ARHGAP15: variants seen among roughly 807,000 people sequenced by gnomAD.
ARHGAP15 encodes Rho GTPase activating protein 15.
In ARHGAP15, 51 loss-of-function variants were observed where a neutral mutation model predicts 63.7. That is an observed-to-expected ratio of 0.80 (90% confidence interval 0.64 to 1.01). The LOEUF (loss-of-function observed/expected upper bound fraction) is 1.01, where lower values mean the gene tolerates loss of function less well. ARHGAP15 is among the 50% of genes least tolerant of loss of function. The pLI, the probability that ARHGAP15 is intolerant of heterozygous loss-of-function variation, is 0.00. For synonymous variants in ARHGAP15, 191 were observed against 193.8 expected (o/e 0.99, Z 0.12); for missense variants, 560 against 564.6 (o/e 0.99, Z 0.08).
At chr2:143,294,028 A>C (rs1051287199) in intron 6 of ARHGAP15, among the ~76,000 whole-genome samples, 15 of 152,078 alleles carry the variant, frequency 9.9e-5, no homozygotes, top group Non-Finnish European at 2.1e-4. Context: ...TCTTTACTTA[A>C]AACTCTTCTG....
At chr2:143,239,248 T>C (rs1403681596) in intron 5 of ARHGAP15, among the ~76,000 whole-genome samples, 1 of 152,180 alleles carries the variant, frequency 6.6e-6, no homozygotes, top group Non-Finnish European at 1.5e-5. Flanking sequence ...ATGTATACAT[T>C]GTGGAATGAT....
At chr2:143,544,822 G>A (rs969863150) in intron 10 of ARHGAP15, among the ~76,000 whole-genome samples, 3 of 152,104 alleles carry the variant, frequency 2.0e-5, no homozygotes, top group African/African-American at 7.2e-5. Context: ...AAGCAGGAAG[G>A]AACATGACCT....
At chr2:143,330,999 A>G (rs529963585) in intron 6 of ARHGAP15, among the ~76,000 whole-genome samples, 3 of 152,236 alleles carry the variant, frequency 2.0e-5, no homozygotes, top group African/African-American at 7.2e-5. Flanking sequence ...TGGGCCCTTC[A>G]TTTAATATGG....
chr2:143,494,545 T>C (rs1692731495), intron 9 of ARHGAP15, among the ~76,000 whole-genome samples: 2 of 152,142 alleles, frequency 1.3e-5, no homozygotes, highest in Admixed American at 1.3e-4. Flanking sequence ...TTTGGAGTCT[T>C]GTTTTTATTT....
intron 13 of ARHGAP15, 68 bp from the exon 14 acceptor site, chr2:143,767,921 C>T (rs1375267277): frequency 7.0e-7 from 1 of 1,422,310 alleles, no homozygotes; most frequent in Non-Finnish European, 9.6e-7. Context: ...CTTTTTTAAT[C>T]ACTCCAAAGT....
At chr2:143,295,354 C>T (rs1682589723) in intron 6 of ARHGAP15, 1 of 151,948 alleles carries the variant, frequency 6.6e-6, no homozygotes, top group Non-Finnish European at 1.5e-5. Flanking sequence ...TTACCTTGTC[C>T]AAGTCATGTG....
intron 12 of ARHGAP15, among the ~76,000 whole-genome samples, chr2:143,655,482 T>C (rs1681389364): frequency 6.6e-6 from 1 of 152,228 alleles, no homozygotes; most frequent in Admixed American, 6.5e-5. Context: ...AATGAATCTG[T>C]TATCTAACTG....
chr2:143,173,871 G>GA (rs35831574), intron 2 of ARHGAP15, among the ~76,000 whole-genome samples: 81 of 152,068 alleles, frequency 5.3e-4, no homozygotes, highest in African/African-American at 1.9e-3. Flanking sequence ...CCCACTTAAA[G>GA]AAAAAAATCC....
intron 12 of ARHGAP15, among the ~76,000 whole-genome samples, chr2:143,662,476 G>A (rs142368803): frequency 2.1e-5 from 3 of 140,660 alleles, no homozygotes; most frequent in African/African-American, 5.1e-5. Context: ...AAAAACAGAA[G>A]AGAAAACTGG....
chr2:143,436,841 T>G (rs1689633259), intron 7 of ARHGAP15, 72 bp from the exon 8 acceptor site: 1 of 1,543,468 alleles, frequency 6.5e-7, no homozygotes, highest in Non-Finnish European at 8.7e-7. Flanking sequence ...ACAGCAAAAT[T>G]GAACACAAAA....
At chr2:143,593,896 G>A (rs1026098259) in intron 11 of ARHGAP15, among the ~76,000 whole-genome samples, 12 of 151,964 alleles carry the variant, frequency 7.9e-5, no homozygotes, top group East Asian at 3.9e-4. Flanking sequence ...TCACATACAC[G>A]TTACAAAAAT....
At chr2:143,723,191 G>A (rs1685137967) in intron 13 of ARHGAP15, among the ~76,000 whole-genome samples, 1 of 152,222 alleles carries the variant, frequency 6.6e-6, no homozygotes, top group East Asian at 1.9e-4. Context: ...CTAGGCTTGT[G>A]TAAGTACACC....
chr2:143,692,789 A>C (rs1481733761), intron 12 of ARHGAP15, among the ~76,000 whole-genome samples: 1 of 152,204 alleles, frequency 6.6e-6, no homozygotes, highest in African/African-American at 2.4e-5. Flanking sequence ...AGTATATTTC[A>C]CAAGTCTCTG....
chr2:143,768,142 C>G lies in ARHGAP15; in HGVS notation c.1398C>G (p.Tyr466Ter). 2 of 1,613,634 alleles carry G rather than the reference C, an allele frequency of 1.2e-6. No individual in the cohort carries two copies. Among genetic ancestry groups the G allele is most frequent in the Non-Finnish European group, 1.7e-6 (2 of 1,179,684 alleles). Residue 466 changes from tyrosine (Y) to a stop codon, truncating the protein, a stop_gained, in exon 14 of 14, where the codon TAC becomes TAG. Transcript: ENST00000295095. LOFTEE classifies it high-confidence loss of function. ...NQIAELMLSE[Y>*]SKIFGSEED ...TAGCTGAGCTCATGCTGAGTGAGTACAGTAAGATCTTCGGCTCAGAGGAAG... is the reference window on the plus strand; with the variant it reads ...TAGCTGAGCTCATGCTGAGTGAGTAGAGTAAGATCTTCGGCTCAGAGGAAG...
chr2:143,455,739 T>G (rs1690618335), intron 8 of ARHGAP15, among the ~76,000 whole-genome samples: 1 of 152,100 alleles, frequency 6.6e-6, no homozygotes, highest in Admixed American at 6.6e-5. Flanking sequence ...TTAAGAAATT[T>G]CGCATTTACA....
intron 6 of ARHGAP15, among the ~76,000 whole-genome samples, chr2:143,412,574 A>G (rs1392834055): frequency 6.6e-6 from 1 of 152,184 alleles, no homozygotes; most frequent in African/African-American, 2.4e-5. Flanking sequence ...TAAATTAAAA[A>G]TCACCTTTTT....
At chr2:143,223,777 A>G (rs1693093084) in intron 4 of ARHGAP15, among the ~76,000 whole-genome samples, 1 of 152,192 alleles carries the variant, frequency 6.6e-6, no homozygotes, top group South Asian at 2.1e-4. Context: ...AGAGAGCTGC[A>G]TGCCACCTGC....
At chr2:143,680,258 G>A (rs1248879877) in intron 12 of ARHGAP15, among the ~76,000 whole-genome samples, 3 of 152,108 alleles carry the variant, frequency 2.0e-5, no homozygotes, top group Admixed American at 2.0e-4. Context: ...ATTTTGACAG[G>A]TAACCATTGA....
Position 143,422,790 on chromosome 2 carries a change from G to C in ARHGAP15, c.475-12811G>C, listed in dbSNP as rs375913778. ...CTCTGCAGAGCCCCAGTTCCTAAAAGGGGGCCTGGCAAAAGGACACTACCA... is the reference window on the plus strand; with the variant it reads ...CTCTGCAGAGCCCCAGTTCCTAAAACGGGGCCTGGCAAAAGGACACTACCA... On this transcript the variant is annotated intron_variant, in intron 6 of 13. Transcript: ENST00000295095. Among the ~76,000 whole-genome samples the C allele has an allele frequency of 9.2e-5, 14 of 152,200 alleles. 1 individual carries two copies. Among genetic ancestry groups the C allele is most frequent in the African/African-American group, 3.4e-4 (14 of 41,542 alleles).
Sources: allele counts gnomAD v4.1 joint callset (sites outside exome capture counted in the v4.1 genomes callset), GRCh38; gene constraint gnomAD v4.1.1; transcripts MANE v1.5; gene names NCBI Gene and HGNC (gene_info 2026-07-23, HGNC 2026-07-21).